VMP1: variants seen among roughly 807,000 people sequenced by gnomAD.
VMP1 encodes the protein ectopic P-granules autophagy protein 3 homolog.
A neutral mutation model predicts 56.0 loss-of-function variants in VMP1; 11 were observed. The ratio of observed to expected loss-of-function variants is 0.20; its 90% confidence interval spans 0.12 to 0.32. The LOEUF is 0.32. Among genes scored for constraint, VMP1 ranks in the 10% least tolerant of loss-of-function variants. The pLI is 1.00. For synonymous variants in VMP1, 149 were observed against 165.0 expected, an observed-to-expected ratio of 0.90 and a Z score of 0.74; for missense variants, 296 against 490.3, an observed-to-expected ratio of 0.60 and a Z score of 3.74.
chr17:59,774,233 T>G (rs1002569234), intron 7 of VMP1, among the ~76,000 whole-genome samples: 1 of 152,136 alleles, frequency 6.6e-6, no homozygotes, highest in Non-Finnish European at 1.5e-5. Flanking sequence ...TCCAAAATAA[T>G]AGAACTTCTG....
At chr17:59,792,879 T>TAATA (rs1378493314) in intron 7 of VMP1, among the ~76,000 whole-genome samples, 3,042 of 66,858 alleles carry the variant, frequency 0.045, 477 homozygotes, top group African/African-American at 0.071. Context: ...TAATAATAAT[T>TAATA]ATTATTATTA....
intron 9 of VMP1, among the ~76,000 whole-genome samples, chr17:59,816,136 A>G (rs893397329): frequency 2.0e-5 from 3 of 152,350 alleles, no homozygotes; most frequent in Admixed American, 2.0e-4. Context: ...AACCCAGAAC[A>G]GTGACTTTTC....
chr17:59,768,518 G>T (rs776323167), intron 6 of VMP1, among the ~76,000 whole-genome samples: 1 of 151,800 alleles, frequency 6.6e-6, no homozygotes, highest in Non-Finnish European at 1.5e-5. Context: ...CAGGAGAATC[G>T]CTTGAACCCA....
intron 5 of VMP1, among the ~76,000 whole-genome samples, chr17:59,750,414 G>A (rs2035595282): frequency 6.6e-6 from 1 of 151,112 alleles, no homozygotes; most frequent in African/African-American, 2.4e-5. Flanking sequence ...TGATTCTCCT[G>A]CCTCACACTC....
At chr17:59,834,685 T>G (rs1168793674) in intron 10 of VMP1, among the ~76,000 whole-genome samples, 1 of 149,546 alleles carries the variant, frequency 6.7e-6, no homozygotes, top group Non-Finnish European at 1.5e-5. Flanking sequence ...AGTGGAGTGG[T>G]GCGATCTGGG....
intron 5 of VMP1, among the ~76,000 whole-genome samples, chr17:59,744,714 A>G (rs73333071): frequency 4.4e-4 from 67 of 151,762 alleles, no homozygotes; most frequent in African/African-American, 1.5e-3. Flanking sequence ...TTGAATATTT[A>G]GAAGCTTGGG....
At position 59,840,084 on chromosome 17, in the gene VMP1, C is replaced by A; in HGVS notation, c.*173C>A. On this transcript the variant is annotated 3_prime_UTR_variant, in exon 12 of 12. Coordinates refer to ENST00000262291, the MANE Select transcript of VMP1 (RefSeq NM_030938.5). The stretch of plus-strand genomic sequence containing the variant: ...CACTGACATACTTTTTCCTTCTGTG[C>A]TAAGGTAAGGTATCCACCCTCGATG... 1 of 775,028 alleles carries A rather than the reference C, an allele frequency of 1.3e-6. No homozygotes were observed. Among genetic ancestry groups the A allele is most frequent in the African/African-American group, 1.8e-5 (1 of 56,262 alleles). The allele number at this position is 775,028 out of a possible 1,614,324, so 48.0% of individuals were successfully genotyped here.
At chr17:59,754,384 G>T (rs1451778739) in intron 5 of VMP1, among the ~76,000 whole-genome samples, 1 of 152,094 alleles carries the variant, frequency 6.6e-6, no homozygotes, top group African/African-American at 2.4e-5. Context: ...ATATTATTTG[G>T]AAAACTGCAT....
chr17:59,792,289 G>A (rs772320344), intron 7 of VMP1, among the ~76,000 whole-genome samples: 31 of 152,004 alleles, frequency 2.0e-4, no homozygotes, highest in Non-Finnish European at 4.1e-4. Flanking sequence ...ATCAAAAAAA[G>A]ATTGGTTCTA....
At chr17:59,780,182 C>T (rs963932937) in intron 7 of VMP1, among the ~76,000 whole-genome samples, 3 of 152,190 alleles carry the variant, frequency 2.0e-5, no homozygotes, top group Admixed American at 6.5e-5. Flanking sequence ...ATTAAAATCA[C>T]TATTTTAAGA....
chr17:59,756,032 C>T (rs988575870), intron 5 of VMP1, among the ~76,000 whole-genome samples: 1 of 152,160 alleles, frequency 6.6e-6, no homozygotes, highest in Admixed American at 6.6e-5. Context: ...ACACTGTTCC[C>T]AGCCTGTACT....
intron 5 of VMP1, among the ~76,000 whole-genome samples, 187 bp downstream of exon 5, chr17:59,739,134 AT>A (rs2035119677): frequency 6.6e-6 from 1 of 152,174 alleles, no homozygotes; most frequent in Admixed American, 6.5e-5. Context: ...TAGGGTTAGT[AT>A]TTAAAAAGCA....
intron 8 of VMP1, among the ~76,000 whole-genome samples, chr17:59,809,909 G>A (rs2037997170): frequency 1.3e-5 from 2 of 151,942 alleles, no homozygotes; most frequent in Admixed American, 1.3e-4. Flanking sequence ...GACCTAAATG[G>A]CTTAAATCAG....
chr17:59,764,496 T>A (rs1359551919), intron 5 of VMP1, among the ~76,000 whole-genome samples: 3 of 152,198 alleles, frequency 2.0e-5, no homozygotes, highest in African/African-American at 7.2e-5. Flanking sequence ...GCTAATTTTT[T>A]AAATTTTTGT....
chr17:59,758,382 A>G (rs1009992044), intron 5 of VMP1, among the ~76,000 whole-genome samples: 7 of 152,146 alleles, frequency 4.6e-5, no homozygotes, highest in Non-Finnish European at 8.8e-5. Flanking sequence ...TGAAATATAG[A>G]TGTTGACGTT....
At chr17:59,807,126 GT>G (rs2037868477) in intron 7 of VMP1, among the ~76,000 whole-genome samples, 3 of 151,274 alleles carry the variant, frequency 2.0e-5, no homozygotes, top group African/African-American at 7.3e-5. Flanking sequence ...TTTTCAACTA[GT>G]TTGCTTTTCT....
intron 10 of VMP1, among the ~76,000 whole-genome samples, chr17:59,832,749 G>A (rs906294504): frequency 1.4e-5 from 2 of 146,864 alleles, no homozygotes; most frequent in Admixed American, 7.0e-5. Context: ...GCCCACCACC[G>A]TGCCTGGCAA....
chr17:59,745,828 C>G (rs950112613), intron 5 of VMP1, among the ~76,000 whole-genome samples: 1 of 152,068 alleles, frequency 6.6e-6, no homozygotes, highest in African/African-American at 2.4e-5. Flanking sequence ...CTTTTGATAA[C>G]AGTTTGTGGT....
intron 10 of VMP1, among the ~76,000 whole-genome samples, chr17:59,824,026 A>G (rs865852612): frequency 6.6e-5 from 10 of 151,782 alleles, no homozygotes; most frequent in South Asian, 2.1e-4. Context: ...CACTTTGGGC[A>G]GATCACCTGA....
Sources: allele counts gnomAD v4.1 joint callset (sites outside exome capture counted in the v4.1 genomes callset), GRCh38; gene constraint gnomAD v4.1.1; transcripts MANE v1.5; gene names NCBI Gene and HGNC (gene_info 2026-07-23, HGNC 2026-07-21).